The following UNC5D variants were observed in gnomAD, a reference collection of about 807,000 sequenced individuals.
UNC5D encodes the protein netrin receptor UNC5D.
UNC5D carries 39 observed loss-of-function variants against 105.4 expected under a neutral mutation model. The ratio of observed to expected loss-of-function variants is 0.37; its 90% CI spans 0.29 to 0.48. The LOEUF is 0.48. UNC5D is among the 20% of genes least tolerant of loss of function. UNC5D has a pLI of 0.98. For missense variants in UNC5D, 991 were observed against 1,202.4 expected (o/e 0.82, Z 2.60); for synonymous variants, 452 against 450.4 (o/e 1.00, Z -0.04).
At chr8:35,737,603 C>T (rs1196882295) in intron 11 of UNC5D, among the ~76,000 whole-genome samples, 1 of 152,114 alleles carries the variant, frequency 6.6e-6, no homozygotes, top group Non-Finnish European at 1.5e-5. Context: ...CAGCATGTGA[C>T]CGTAATCTCA....
At chr8:35,286,016 C>T (rs796638444) in intron 1 of UNC5D, among the ~76,000 whole-genome samples, 24 of 152,086 alleles carry the variant, frequency 1.6e-4, no homozygotes, top group African/African-American at 4.1e-4. Context: ...AATATAGTAA[C>T]GATTTATGAG....
At chr8:35,771,330 T>TA (rs1234793834) in intron 15 of UNC5D, among the ~76,000 whole-genome samples, 1 of 152,180 alleles carries the variant, frequency 6.6e-6, no homozygotes, top group African/African-American at 2.4e-5. Flanking sequence ...TGGGATCCTT[T>TA]AGCATGGACA....
chr8:35,308,112 ATGTATG>A (rs1335180493), intron 1 of UNC5D, among the ~76,000 whole-genome samples: 199 of 147,780 alleles, frequency 1.3e-3, no homozygotes, highest in African/African-American at 4.6e-3. Context: ...CTATGTCACA[ATGTATG>A]TGTGTGTGTG....
intron 16 of UNC5D, among the ~76,000 whole-genome samples, chr8:35,775,337 T>C (rs1802196670): frequency 6.6e-6 from 1 of 152,190 alleles, no homozygotes; most frequent in Non-Finnish European, 1.5e-5. Flanking sequence ...CTGACACTGC[T>C]CATTACTGCA....
At chr8:35,634,643 A>G (rs1039477657) in intron 4 of UNC5D, among the ~76,000 whole-genome samples, 2 of 149,916 alleles carry the variant, frequency 1.3e-5, no homozygotes, top group Non-Finnish European at 3.0e-5. Context: ...TGCAGGGGGG[A>G]AAAAACAGAC....
At chr8:35,383,143 T>C (rs1803145474) in intron 1 of UNC5D, among the ~76,000 whole-genome samples, 1 of 152,194 alleles carries the variant, frequency 6.6e-6, no homozygotes, top group Non-Finnish European at 1.5e-5. Flanking sequence ...ATCGCCCTGA[T>C]TTTATAGACA....
intron 1 of UNC5D, among the ~76,000 whole-genome samples, chr8:35,549,000 T>C (rs1237457651): frequency 6.6e-6 from 1 of 152,200 alleles, no homozygotes; most frequent in Non-Finnish European, 1.5e-5. Flanking sequence ...GATGTGTATC[T>C]CAGTTGTTTC....
intron 1 of UNC5D, among the ~76,000 whole-genome samples, chr8:35,331,433 C>A (rs760480052): frequency 2.0e-5 from 3 of 152,082 alleles, no homozygotes; most frequent in East Asian, 1.9e-4. Flanking sequence ...CAGCAGTAAC[C>A]ACGGAGCTTC....
intron 1 of UNC5D, among the ~76,000 whole-genome samples, chr8:35,471,205 C>T (rs753765404): frequency 2.0e-5 from 3 of 152,068 alleles, no homozygotes; most frequent in Admixed American, 6.6e-5. Flanking sequence ...CACTAACAAC[C>T]TTTTCATCTC....
At chr8:35,749,497 A>C (rs1278577194) in intron 12 of UNC5D, among the ~76,000 whole-genome samples, 1 of 152,236 alleles carries the variant, frequency 6.6e-6, no homozygotes, top group African/African-American at 2.4e-5. Context: ...AGGCCAAAGA[A>C]GTAAAAGGAA....
intron 4 of UNC5D, among the ~76,000 whole-genome samples, chr8:35,673,417 T>C (rs1824963688): frequency 6.6e-6 from 1 of 152,124 alleles, no homozygotes; most frequent in East Asian, 1.9e-4. Flanking sequence ...ATTAGGCAAA[T>C]ATTAAAGAGT....
chr8:35,605,065 A>C (rs1443318003), intron 4 of UNC5D, among the ~76,000 whole-genome samples: 2 of 152,150 alleles, frequency 1.3e-5, no homozygotes, highest in African/African-American at 4.8e-5. Flanking sequence ...TTCTCCGTCC[A>C]GCTTTGTTCC....
chr8:35,300,634 T>C (rs1807882723), intron 1 of UNC5D, among the ~76,000 whole-genome samples: 1 of 152,128 alleles, frequency 6.6e-6, no homozygotes, highest in African/African-American at 2.4e-5. Flanking sequence ...TAAGTAACTT[T>C]GGAAAACAAT....
At chr8:35,704,352 A>G (rs1053308256) in intron 7 of UNC5D, among the ~76,000 whole-genome samples, 4 of 152,214 alleles carry the variant, frequency 2.6e-5, no homozygotes, top group Admixed American at 6.5e-5. Flanking sequence ...TGCAGGAGTG[A>G]GTTAGGGTGA....
At chr8:35,248,155 T>G (rs1414443755) in intron 1 of UNC5D, among the ~76,000 whole-genome samples, 4 of 39,282 alleles carry the variant, frequency 1.0e-4, no homozygotes, top group African/African-American at 1.5e-4. Flanking sequence ...ATATATAATA[T>G]ATAAATATAT....
intron 1 of UNC5D, among the ~76,000 whole-genome samples, chr8:35,491,195 A>C (rs1811195608): frequency 6.6e-6 from 1 of 152,190 alleles, no homozygotes; most frequent in Admixed American, 6.5e-5. Flanking sequence ...GTATCAAAAA[A>C]GGACGTCCTT....
At chr8:35,503,517 G>A (rs150210424) in intron 1 of UNC5D, among the ~76,000 whole-genome samples, 2,090 of 152,270 alleles carry the variant, frequency 0.014, 28 homozygotes, top group Non-Finnish European at 0.021. Flanking sequence ...TACAATTCAA[G>A]ATGAGATTTG....
At chr8:35,752,015 A>C (rs866426169) in intron 13 of UNC5D, among the ~76,000 whole-genome samples, 1 of 152,156 alleles carries the variant, frequency 6.6e-6, no homozygotes, top group Non-Finnish European at 1.5e-5. Flanking sequence ...GAATCAACTG[A>C]AGGTTGTAGT....
At chr8:35,778,644 C>G (rs943020712) in intron 16 of UNC5D, among the ~76,000 whole-genome samples, 3 of 152,134 alleles carry the variant, frequency 2.0e-5, no homozygotes, top group Non-Finnish European at 4.4e-5. Context: ...ACTGCACTTT[C>G]GCCTGACTCT....
Sources: allele counts gnomAD v4.1 joint callset (sites outside exome capture counted in the v4.1 genomes callset), GRCh38; gene constraint gnomAD v4.1.1; transcripts MANE v1.5; gene names NCBI Gene and HGNC (gene_info 2026-07-23, HGNC 2026-07-21).